The following PKNOX2 variants were observed in gnomAD, a reference collection of about 807,000 sequenced individuals.
The protein encoded by PKNOX2 is homeobox protein PKNOX2.
Under a neutral mutation model 53.1 loss-of-function variants are expected in PKNOX2, and 14 were observed. The observed-to-expected ratio is 0.26, with a 90% confidence interval of 0.17 to 0.41. PKNOX2 has a LOEUF of 0.41. Among genes scored for constraint, PKNOX2 ranks in the 10% least tolerant of loss-of-function variants. The probability of loss-of-function intolerance (pLI) is 1.00; values close to 1 mark genes in which losing one functional copy is unlikely to be tolerated. For missense variants in PKNOX2, 496 were observed against 602.8 expected, an observed-to-expected ratio of 0.82 and a Z score of 1.85; for synonymous variants, 257 against 242.8, an observed-to-expected ratio of 1.06 and a Z score of -0.54.
At chr11:125,313,154 A>C (rs1424631284) in intron 2 of PKNOX2, among the ~76,000 whole-genome samples, 1 of 152,102 alleles carries the variant, frequency 6.6e-6, no homozygotes, top group Non-Finnish European at 1.5e-5. Flanking sequence ...GAAAGAAGGG[A>C]GAAAGGGGAA....
chr11:125,248,541 A>G (rs1228884873), intron 2 of PKNOX2, among the ~76,000 whole-genome samples: 2 of 151,782 alleles, frequency 1.3e-5, no homozygotes, highest in African/African-American at 4.8e-5. Flanking sequence ...AAGACACATC[A>G]TATACTGGTA....
intron 5 of PKNOX2, among the ~76,000 whole-genome samples, chr11:125,375,846 T>A (rs1024818601): frequency 6.6e-6 from 1 of 152,230 alleles, no homozygotes; most frequent in Non-Finnish European, 1.5e-5. Flanking sequence ...TTTTCTCTTT[T>A]GTTTATAACT....
At chr11:125,246,019 C>G (rs1355248084) in intron 2 of PKNOX2, among the ~76,000 whole-genome samples, 1 of 152,126 alleles carries the variant, frequency 6.6e-6, no homozygotes, top group Non-Finnish European at 1.5e-5. Context: ...GGACCCCAGA[C>G]CTCAGGAAGA....
chr11:125,279,474 A>C (rs1372442555), intron 2 of PKNOX2, among the ~76,000 whole-genome samples: 1 of 152,218 alleles, frequency 6.6e-6, no homozygotes, highest in Non-Finnish European at 1.5e-5. Flanking sequence ...CTATGGCAGC[A>C]CCAGAGTGAG....
chr11:125,168,536 A>C (rs1160252740), intron 1 of PKNOX2, among the ~76,000 whole-genome samples: 1 of 152,218 alleles, frequency 6.6e-6, no homozygotes, highest in East Asian at 1.9e-4. Flanking sequence ...TTAACTGGAA[A>C]CATACCTCCT....
intron 2 of PKNOX2, among the ~76,000 whole-genome samples, chr11:125,306,320 T>C (rs1407026798): frequency 1.3e-5 from 2 of 152,124 alleles, no homozygotes; most frequent in East Asian, 3.9e-4. Flanking sequence ...TTCCACCCAC[T>C]GGAGCGCTAC....
At chr11:125,426,294 AT>A (rs1956412000) in intron 10 of PKNOX2, among the ~76,000 whole-genome samples, 1 of 152,194 alleles carries the variant, frequency 6.6e-6, no homozygotes, top group Non-Finnish European at 1.5e-5. Flanking sequence ...TCCAACTGAA[AT>A]CCCCTTCCCT....
intron 1 of PKNOX2, among the ~76,000 whole-genome samples, chr11:125,197,165 A>G (rs148546877): frequency 4.6e-5 from 7 of 152,208 alleles, no homozygotes; most frequent in South Asian, 2.1e-4. Flanking sequence ...TAGTTGAGGC[A>G]GGTTGGTGTT....
intron 1 of PKNOX2, 71 bp from the exon 2 acceptor site, chr11:125,234,974 C>G (rs958852753): frequency 6.5e-6 from 1 of 152,714 alleles, no homozygotes; most frequent in African/African-American, 2.4e-5. Flanking sequence ...GGGTTTACCC[C>G]CTTCCCCATC....
At chr11:125,282,278 A>T (rs1946608980) in intron 2 of PKNOX2, among the ~76,000 whole-genome samples, 1 of 152,174 alleles carries the variant, frequency 6.6e-6, no homozygotes, top group South Asian at 2.1e-4. Flanking sequence ...GTTACTTCCT[A>T]CTAAGAATCT....
chr11:125,172,321 A>G (rs1370349963), intron 1 of PKNOX2, among the ~76,000 whole-genome samples: 3 of 152,186 alleles, frequency 2.0e-5, no homozygotes, highest in Non-Finnish European at 4.4e-5. Context: ...AATGGGTAGA[A>G]CTTAGACCAA....
intron 3 of PKNOX2, among the ~76,000 whole-genome samples, chr11:125,344,212 G>T (rs952191273): frequency 6.6e-6 from 1 of 152,204 alleles, no homozygotes; most frequent in South Asian, 2.1e-4. Context: ...GTCAGTGAGT[G>T]CATAAGTGAT....
At chr11:125,164,936 GGAGAGAGGGAGGCAGCAGGGAGGA>G (rs889231882) in intron 1 of PKNOX2, among the ~76,000 whole-genome samples, 160 bp downstream of exon 1, 18 of 151,894 alleles carry the variant, frequency 1.2e-4, no homozygotes, top group South Asian at 2.1e-4. Flanking sequence ...GAGGAGAGAG[GGAGAGAGGGAGGCAGCAGGGAGGA>G]GAGAGAGGGA....
intron 2 of PKNOX2, among the ~76,000 whole-genome samples, chr11:125,323,661 G>T (rs1739566636): frequency 6.6e-6 from 1 of 152,206 alleles, no homozygotes. Context: ...ATTTACATGT[G>T]TGGGGAAAAT....
chr11:125,388,572 C>T (rs1462458202), intron 6 of PKNOX2, among the ~76,000 whole-genome samples: 2 of 152,062 alleles, frequency 1.3e-5, no homozygotes, highest in African/African-American at 4.8e-5. Context: ...AACTTTGTCC[C>T]TTGGAAGTTC....
At chr11:125,196,935 G>A (rs1284505532) in intron 1 of PKNOX2, among the ~76,000 whole-genome samples, 1 of 152,174 alleles carries the variant, frequency 6.6e-6, no homozygotes, top group African/African-American at 2.4e-5. Flanking sequence ...TATGAAGAAG[G>A]TACTTCCCTG....
intron 2 of PKNOX2, among the ~76,000 whole-genome samples, chr11:125,275,217 C>T (rs540499788): frequency 6.6e-6 from 1 of 152,104 alleles, no homozygotes; most frequent in South Asian, 2.1e-4. Flanking sequence ...GGAGGGCTCT[C>T]TAAGGATGGG....
chr11:125,391,719 G>A (rs532572265), intron 6 of PKNOX2, among the ~76,000 whole-genome samples: 43 of 152,270 alleles, frequency 2.8e-4, no homozygotes, highest in African/African-American at 9.9e-4. Flanking sequence ...TAAAATGTGA[G>A]GTTGCATTTG....
intron 2 of PKNOX2, among the ~76,000 whole-genome samples, chr11:125,265,099 T>C (rs1481316103): frequency 6.6e-6 from 1 of 152,002 alleles, no homozygotes; most frequent in East Asian, 1.9e-4. Context: ...CCATCCTGGC[T>C]AACACGGTGA....
Sources: allele counts gnomAD v4.1 joint callset (sites outside exome capture counted in the v4.1 genomes callset), GRCh38; gene constraint gnomAD v4.1.1; transcripts MANE v1.5; gene names NCBI Gene and HGNC (gene_info 2026-07-23, HGNC 2026-07-21).